Variants in TIMM21 observed in about 807,000 individuals in gnomAD.
TIMM21 encodes the protein translocase of inner mitochondrial membrane 21.
A neutral mutation model predicts 27.7 loss-of-function variants in TIMM21; 30 were observed. The ratio of observed to expected loss-of-function variants is 1.08; its 90% CI spans 0.81 to 1.47. The LOEUF (loss-of-function observed/expected upper bound fraction) is 1.47. TIMM21 is among the 40% of genes most tolerant of loss of function. The pLI, the probability that TIMM21 is intolerant of heterozygous loss-of-function variation, is 0.00. For synonymous variants in TIMM21, 121 were observed against 114.4 expected, an observed-to-expected ratio of 1.06 and a Z score of -0.37; for missense variants, 292 against 302.9, an observed-to-expected ratio of 0.96 and a Z score of 0.27.
Position 74,148,595 on chromosome 18 carries a change from A to G in TIMM21, c.-214A>G, listed in dbSNP as rs1222888847. 1.0e-5 allele frequency: 5 copies of G among 490,894 alleles called. No homozygotes were observed. In the East Asian group the frequency reaches 1.6e-4, roughly 15 times the overall value. 30.4% of individuals were successfully genotyped at this position (490,894 alleles called of 1,614,324 possible). A position where few individuals can be genotyped will look rare whatever the true frequency, so the allele number is the denominator to read the frequency against. On this transcript the variant is annotated 5_prime_UTR_variant, in exon 1 of 6. Coordinates refer to ENST00000169551, the MANE Select transcript of TIMM21 (RefSeq NM_014177.3). ...GAAGGTGATCAGAGCCTGTTAATTAAAATGGAAAGAAGACAGAAGGGAAGG... is the reference window on the plus strand; with the variant it reads ...GAAGGTGATCAGAGCCTGTTAATTAGAATGGAAAGAAGACAGAAGGGAAGG...
chr18:74,148,942 T>G lies in TIMM21; in HGVS notation c.134T>G (p.Leu45Arg), dbSNP rs778276713. 2 of 1,614,122 alleles carry G rather than the reference T, an allele frequency of 1.2e-6. No individual in the cohort carries two copies. Among genetic ancestry groups the G allele is most frequent in the Admixed American group, 3.3e-5 (2 of 60,006 alleles). Reference protein sequence around the residue: ...LKTEPSLRCGLQYQKKTLRPR... With the variant: ...LKTEPSLRCGRQYQKKTLRPR... ...ACTGAGCCCAGTTTGAGATGTGGGC[T>G]TCAATATCAAAAGAAAACGCTGCGA... The change falls in exon 1 of 6, where the codon CTT becomes CGT. Residue 45 changes from leucine to arginine, a missense_variant. Leu to Arg is a moderately radical substitution (Grantham distance 102). Transcript: ENST00000169551.
At chr18:74,153,551 C>T (rs557954637) in intron 1 of TIMM21, among the ~76,000 whole-genome samples, 35 of 152,290 alleles carry the variant, frequency 2.3e-4, no homozygotes, top group African/African-American at 7.9e-4. Flanking sequence ...AATGAGATGT[C>T]GTCATTGTAG....
chr18:74,156,492 T>A, intron 3 of TIMM21: 1 of 391,116 alleles, frequency 2.6e-6, no homozygotes, highest in Non-Finnish European at 4.5e-6. Context: ...GTGGTAACCA[T>A]GGAGAAAGGC....
intron 3 of TIMM21, chr18:74,157,706 C>T: frequency 3.7e-6 from 1 of 268,898 alleles, no homozygotes; most frequent in East Asian, 8.5e-5. Context: ...AGCGATTCTC[C>T]TGCCTCAGCT....
At chr18:74,153,055 G>C (rs557795323) in intron 1 of TIMM21, among the ~76,000 whole-genome samples, 3 of 152,310 alleles carry the variant, frequency 2.0e-5, no homozygotes, top group African/African-American at 7.2e-5. Flanking sequence ...TCCGCTACCA[G>C]TGCTCCCTGC....
At chr18:74,157,878 A>G in intron 3 of TIMM21, 136 bp from the exon 4 acceptor site, 1 of 906,558 alleles carries the variant, frequency 1.1e-6, no homozygotes, top group Non-Finnish European at 1.7e-6. Context: ...TATAGGCGTG[A>G]GCCAGGAGTG....
intron 1 of TIMM21, among the ~76,000 whole-genome samples, chr18:74,154,926 T>C (rs1475654788): frequency 1.3e-5 from 2 of 152,224 alleles, no homozygotes; most frequent in African/African-American, 2.4e-5. Context: ...AAAGGATTTC[T>C]TCATCCTAAA....
Position 74,159,672 on chromosome 18 carries a change from T to C in TIMM21, c.*1192T>C, listed in dbSNP as rs906875345. 2.0e-5 allele frequency: 3 copies of C among 152,236 alleles called. No homozygotes were observed. Among genetic ancestry groups the C allele is most frequent in the Admixed American group, 1.3e-4 (2 of 15,286 alleles). The allele number at this position is 152,236 out of a possible 1,614,324, so 9.4% of individuals were successfully genotyped here. A position where few individuals can be genotyped will look rare whatever the true frequency, so the allele number is the denominator to read the frequency against. On this transcript the variant is annotated 3_prime_UTR_variant, in exon 6 of 6. Coordinates refer to ENST00000169551, the MANE Select transcript of TIMM21 (RefSeq NM_014177.3). ...CAACATTTAAGGAGTATAGAAAATATAACAGACACTCGTCTCCCTGACGTA... is the reference window on the plus strand; with the variant it reads ...CAACATTTAAGGAGTATAGAAAATACAACAGACACTCGTCTCCCTGACGTA...
chr18:74,158,094 T>G lies in TIMM21; in HGVS notation c.536+7T>G. ...GTCGCCGGCAGCATGTCAGGTACTG[T>G]GGCTTGAATTCAGAGGAGGCTCTGG... is the stretch of plus-strand genomic sequence containing the variant. On this transcript the variant is annotated splice_region_variant and intron_variant, in intron 4 of 5. Coordinates refer to ENST00000169551, the MANE Select transcript of TIMM21 (RefSeq NM_014177.3). 6.2e-7 allele frequency: 1 copy of G among 1,614,092 alleles called. No individual in the cohort carries two copies. The highest frequency in any genetic ancestry group is 8.5e-7 in the Non-Finnish European group (1 of 1,179,972).
chr18:74,156,633 G>A (rs560162645), intron 3 of TIMM21: 1 of 209,942 alleles, frequency 4.8e-6, no homozygotes, highest in Non-Finnish European at 9.4e-6. Context: ...CCTGTGGGTG[G>A]TAACCTCATT....
chr18:74,158,351 C>G (rs777948953), intron 5 of TIMM21, 25 bp from the exon 6 acceptor site: 20 of 1,604,614 alleles, frequency 1.2e-5, no homozygotes, highest in Admixed American at 8.5e-5. Context: ...GAAAATAATA[C>G]CTGGAAACAC....
chr18:74,154,362 C>T lies in TIMM21; in HGVS notation c.302-783C>T, dbSNP rs183283662. Among the ~76,000 whole-genome samples, 553 of 151,956 alleles carry T rather than the reference C, an allele frequency of 3.6e-3. 2 individuals are homozygous for T. The highest frequency in any genetic ancestry group is 0.013 in the African/African-American group (524 of 41,436). On this transcript the variant is annotated intron_variant, in intron 1 of 5. Transcript: ENST00000169551. ...CTGCAAGCTCCGCCTCCCGGGTTCA[C>T]GCCATTCTCCTGCCTCAGCCTCTCG...
At chr18:74,155,558 G>T (rs747363406) in intron 3 of TIMM21, 155 bp downstream of exon 3, 9 of 647,042 alleles carry the variant, frequency 1.4e-5, no homozygotes, top group Non-Finnish European at 2.3e-5. Flanking sequence ...TTAGGTCTTT[G>T]CTCTTTAAGA....
At chr18:74,153,512 T>C (rs2121916219) in intron 1 of TIMM21, among the ~76,000 whole-genome samples, 1 of 152,332 alleles carries the variant, frequency 6.6e-6, no homozygotes, top group Admixed American at 6.5e-5. Flanking sequence ...TAATATTTAT[T>C]GAAATGTATT....
intron 1 of TIMM21, among the ~76,000 whole-genome samples, chr18:74,151,107 A>T (rs1013858219): frequency 1.3e-5 from 2 of 152,232 alleles, no homozygotes; most frequent in Admixed American, 6.5e-5. Context: ...TCAGGGGGTC[A>T]TCATGACTCT....
intron 1 of TIMM21, among the ~76,000 whole-genome samples, chr18:74,154,285 G>A (rs1172993743): frequency 7.6e-6 from 1 of 130,862 alleles, no homozygotes. Flanking sequence ...TTTTTTGGAC[G>A]GAGTCTCGCT....
Position 74,148,713 on chromosome 18 carries a change from A to AG in TIMM21, c.-94dup, listed in dbSNP as rs1181702169. 1 of 1,261,698 alleles carries AG rather than the reference A, an allele frequency of 7.9e-7. No homozygotes were observed. Among genetic ancestry groups the AG allele is most frequent in the Non-Finnish European group, 1.1e-6 (1 of 902,754 alleles). 78.2% of individuals were successfully genotyped at this position (1,261,698 alleles called of 1,614,324 possible). On this transcript the variant is annotated 5_prime_UTR_variant, in exon 1 of 6. Transcript: ENST00000169551. The stretch of plus-strand genomic sequence containing the variant: ...AACACCCCATGTAATGTAAACGTAT[A>AG]GGCTTGAGTACGTGTCCGGCCGCAT...
At chr18:74,149,233 T>A in intron 1 of TIMM21, 124 bp downstream of exon 1, 1 of 1,119,288 alleles carries the variant, frequency 8.9e-7, no homozygotes, top group Non-Finnish European at 1.2e-6. Context: ...AAAAACCGTT[T>A]AAACATAATT....
At position 74,158,977 on chromosome 18, in the gene TIMM21, A is replaced by C. The variant is rs530216131; in HGVS notation, c.*497A>C. 9 of 163,718 alleles carry C rather than the reference A, an allele frequency of 5.5e-5. No individual in the cohort carries two copies. Among genetic ancestry groups the C allele is most frequent in the African/African-American group, 1.7e-4 (7 of 41,604 alleles). The allele number at this position is 163,718 out of a possible 1,614,324, so 10.1% of individuals were successfully genotyped here. A position where few individuals can be genotyped will look rare whatever the true frequency, so the allele number is the denominator to read the frequency against. ...CTTCAAAATTGTGTGAGTTTTAGGA[A>C]TCTGTCTCATATTTCGCGCTTCATG... On this transcript the variant is annotated 3_prime_UTR_variant, in exon 6 of 6. Coordinates refer to ENST00000169551, the MANE Select transcript of TIMM21 (RefSeq NM_014177.3).
Sources: allele counts gnomAD v4.1 joint callset (sites outside exome capture counted in the v4.1 genomes callset), GRCh38; gene constraint gnomAD v4.1.1; transcripts MANE v1.5; gene names NCBI Gene and HGNC (gene_info 2026-07-23, HGNC 2026-07-21).